DLGAP2: variants seen among roughly 807,000 people sequenced by gnomAD.
DLGAP2 encodes the protein DLG associated protein 2.
DLGAP2 carries 26 observed loss-of-function variants against 100.3 expected under a neutral mutation model. That is an observed-to-expected ratio of 0.26 (90% confidence interval 0.19 to 0.36). The LOEUF (loss-of-function observed/expected upper bound fraction) is 0.36. Ranked by LOEUF, DLGAP2 falls within the 10% of genes least tolerant of loss-of-function variation. The pLI, the probability that DLGAP2 is intolerant of heterozygous loss-of-function variation, is 1.00. For synonymous variants in DLGAP2, 886 were observed against 630.1 expected (o/e 1.41, Z -6.08); for missense variants, 1,858 against 1,453.2 (o/e 1.28, Z -4.53).
intron 1 of DLGAP2, among the ~76,000 whole-genome samples, chr8:854,362 G>A (rs977199445): frequency 1.3e-5 from 2 of 152,166 alleles, no homozygotes; most frequent in Admixed American, 1.3e-4. Flanking sequence ...AAAGGACAGA[G>A]TGGGCTCTGT....
intron 1 of DLGAP2, among the ~76,000 whole-genome samples, chr8:755,777 C>T (rs889229482): frequency 4.6e-5 from 7 of 152,202 alleles, no homozygotes; most frequent in Non-Finnish European, 1.0e-4. Flanking sequence ...CTGGGTGATG[C>T]CCCCAGGTGT....
At chr8:1,379,254 G>A (rs1585317218) in intron 3 of DLGAP2, among the ~76,000 whole-genome samples, 1 of 152,250 alleles carries the variant, frequency 6.6e-6, no homozygotes, top group Non-Finnish European at 1.5e-5. Context: ...TGCCGGCTCT[G>A]TGCCAGGCAC....
intron 1 of DLGAP2, among the ~76,000 whole-genome samples, chr8:800,179 G>T (rs761255060): frequency 6.6e-6 from 1 of 152,186 alleles, no homozygotes; most frequent in African/African-American, 2.4e-5. Context: ...TGTGCCCGAG[G>T]TGTGGGTCCT....
intron 2 of DLGAP2, among the ~76,000 whole-genome samples, chr8:1,097,014 CAA>C (rs1804397791): frequency 9.1e-6 from 1 of 110,362 alleles, no homozygotes; most frequent in African/African-American, 3.5e-5. Context: ...TCAGGAGAGT[CAA>C]GCTGGGAGCC....
chr8:1,272,355 A>C (rs1279234578), intron 3 of DLGAP2, among the ~76,000 whole-genome samples: 1 of 152,138 alleles, frequency 6.6e-6, no homozygotes, highest in Non-Finnish European at 1.5e-5. Flanking sequence ...AGGAATTTCC[A>C]AAAAGTGAGA....
At chr8:1,092,627 T>C (rs1804223283) in intron 2 of DLGAP2, among the ~76,000 whole-genome samples, 1 of 152,218 alleles carries the variant, frequency 6.6e-6, no homozygotes, top group Non-Finnish European at 1.5e-5. Flanking sequence ...CCTTCAAGGC[T>C]GCAGACATTG....
chr8:877,962 C>T (rs1797716622), intron 1 of DLGAP2, among the ~76,000 whole-genome samples: 1 of 152,204 alleles, frequency 6.6e-6, no homozygotes, highest in Non-Finnish European at 1.5e-5. Flanking sequence ...GTTCAAATCC[C>T]ACAGGTACTT....
chr8:1,247,167 T>C (rs1563036813), intron 2 of DLGAP2: 1 of 93,486 alleles, frequency 1.1e-5, no homozygotes, highest in Non-Finnish European at 2.0e-5. Flanking sequence ...GAGATCAGTG[T>C]GGGAGTGATG....
At chr8:1,695,401 C>T (rs1181680040) in intron 13 of DLGAP2, among the ~76,000 whole-genome samples, 1 of 143,122 alleles carries the variant, frequency 7.0e-6, no homozygotes, top group East Asian at 2.0e-4. Context: ...CAGCCTTACC[C>T]GGCCCTACAG....
At chr8:910,946 G>A (rs1170713584) in intron 2 of DLGAP2, among the ~76,000 whole-genome samples, 1 of 152,146 alleles carries the variant, frequency 6.6e-6, no homozygotes, top group Non-Finnish European at 1.5e-5. Context: ...CTGGACTTGG[G>A]CTGTCGAGTT....
At chr8:1,243,901 C>T (rs1023177172) in intron 2 of DLGAP2, among the ~76,000 whole-genome samples, 4 of 152,222 alleles carry the variant, frequency 2.6e-5, no homozygotes, top group African/African-American at 9.6e-5. Context: ...AGCATCTGTT[C>T]TCTTATTAAA....
At chr8:1,415,518 T>C (rs1796858445) in intron 3 of DLGAP2, among the ~76,000 whole-genome samples, 1 of 152,160 alleles carries the variant, frequency 6.6e-6, no homozygotes, top group Non-Finnish European at 1.5e-5. Context: ...TATGTCCACG[T>C]GTGCCCTATG....
rs550972481 is a variant in DLGAP2, at chr8:1,325,628, C to G, written c.106+66745C>G. On this transcript the variant is annotated intron_variant, in intron 3 of 14. Coordinates refer to ENST00000637795, the MANE Select transcript of DLGAP2 (RefSeq NM_001346810.2). ...AGGATTAAGGGGACACAAGCATACC[C>G]TACAGGGCCTGAACGGAGCAGCCTC... 3.9e-5 allele frequency among the ~76,000 whole-genome samples: 6 copies of G among 152,328 alleles called. No homozygotes were observed. In the East Asian group the frequency reaches 9.7e-4, roughly 25 times the overall value.
At chr8:1,316,725 A>C (rs1284303308) in intron 3 of DLGAP2, among the ~76,000 whole-genome samples, 1 of 133,510 alleles carries the variant, frequency 7.5e-6, no homozygotes, top group African/African-American at 3.0e-5. Flanking sequence ...AGTGGTCTAC[A>C]CTCGAGAAAC....
intron 7 of DLGAP2, among the ~76,000 whole-genome samples, chr8:1,631,823 C>T (rs1445912533): frequency 6.6e-6 from 1 of 152,220 alleles, no homozygotes; most frequent in Non-Finnish European, 1.5e-5. Flanking sequence ...CAGGTCTGAA[C>T]TTGGAGACAG....
chr8:1,472,389 T>C (rs1245258634), intron 3 of DLGAP2, among the ~76,000 whole-genome samples: 1 of 152,106 alleles, frequency 6.6e-6, no homozygotes, highest in African/African-American at 2.4e-5. Flanking sequence ...TTGCAGTTGG[T>C]TTTGTTATGT....
At chr8:1,471,693 C>CTTT (rs58979031) in intron 3 of DLGAP2, among the ~76,000 whole-genome samples, 1 of 151,618 alleles carries the variant, frequency 6.6e-6, no homozygotes, top group Non-Finnish European at 1.5e-5. Context: ...AATGCCTCTT[C>CTTT]AAGACCAAGA....
At chr8:1,672,258 ACT>A (rs1015750887) in intron 10 of DLGAP2, among the ~76,000 whole-genome samples, 10 of 138,278 alleles carry the variant, frequency 7.2e-5, no homozygotes, top group African/African-American at 2.8e-4. Flanking sequence ...ATGGAGTCTC[ACT>A]CTGTTGCCCA....
chr8:893,593 G>A (rs960635350), intron 1 of DLGAP2, among the ~76,000 whole-genome samples: 16 of 152,192 alleles, frequency 1.1e-4, no homozygotes, highest in South Asian at 4.1e-4. Context: ...CCCTGGGGCC[G>A]CCCCTCAGCC....
Sources: gnomAD v4.1 joint callset for allele counts (sites outside exome capture counted in the v4.1 genomes callset) on GRCh38, gnomAD v4.1.1 for gene constraint, MANE v1.5 for transcripts, NCBI Gene and HGNC (gene_info 2026-07-23, HGNC 2026-07-21) for gene names.